NUGGC: variants seen among roughly 807,000 people sequenced by gnomAD.
NUGGC encodes nuclear GTPase, germinal center associated.
In NUGGC, 58 loss-of-function variants were observed where a neutral mutation model predicts 92.6. That is an observed-to-expected ratio of 0.63 (90% CI 0.51 to 0.78). NUGGC has a LOEUF of 0.78. Among genes scored for constraint, NUGGC ranks in the 30% least tolerant of loss-of-function variants. NUGGC has a pLI of 0.00. For missense variants in NUGGC, 925 were observed against 964.6 expected (o/e 0.96, Z 0.54); for synonymous variants, 376 against 366.4 (o/e 1.03, Z -0.30).
rs1810276159 is a variant in NUGGC at position 28,060,542 on chromosome 8, C to T, written c.981G>A (p.Gly327=). ...VISDIERVSG[G]QAHEDLLNES... Reference sequence around the variant, plus strand: ...CATTCAGAAGGTCTTCGTGGGCTTGCCCCCCAGAAACTCGCTCTATGTCGC... The same window carrying T: ...CATTCAGAAGGTCTTCGTGGGCTTGTCCCCCAGAAACTCGCTCTATGTCGC... Residue 327 remains glycine (G), a synonymous_variant, in exon 8 of 19, where the codon GGG becomes GGA. Transcript: ENST00000413272. 1.9e-6 allele frequency: 3 copies of T among 1,612,928 alleles called. No homozygotes were observed. The highest frequency in any genetic ancestry group is 2.5e-6 in the Non-Finnish European group (3 of 1,179,264).
At chr8:28,073,538 T>G (rs998490756) in intron 2 of NUGGC, among the ~76,000 whole-genome samples, 3 of 152,182 alleles carry the variant, frequency 2.0e-5, no homozygotes, top group Non-Finnish European at 2.9e-5. Context: ...ACAAAGGATA[T>G]GATACGCCAC....
At chr8:28,072,557 G>A (rs900522535) in intron 2 of NUGGC, among the ~76,000 whole-genome samples, 2 of 152,054 alleles carry the variant, frequency 1.3e-5, no homozygotes, top group Non-Finnish European at 2.9e-5. Flanking sequence ...CACATCCAGG[G>A]CCCTTATTTC....
rs1046044851 is a variant in NUGGC at position 28,029,289 on chromosome 8, G to A, written c.2131C>T (p.Gln711Ter). The change falls in exon 17 of 19, where the codon CAG becomes TAG. Residue 711 changes from glutamine (Q) to a stop codon, truncating the protein, a stop_gained. Coordinates refer to ENST00000413272, the MANE Select transcript of NUGGC (RefSeq NM_001010906.2). LOFTEE classifies it high-confidence loss of function. ...ACCTTCAGCTGCTGAAACTGGTGCTGCATCCTTTCCTGGGCCCTTTCAAAC... is the reference window on the plus strand; with the variant it reads ...ACCTTCAGCTGCTGAAACTGGTGCTACATCCTTTCCTGGGCCCTTTCAAAC... ...GMFERAQERM[Q>*]HQFQQLKTGI... 2 of 1,606,436 alleles carry A rather than the reference G, an allele frequency of 1.2e-6. No homozygotes were observed. The highest frequency in any genetic ancestry group is 8.5e-7 in the Non-Finnish European group (1 of 1,176,486).
intron 4 of NUGGC, among the ~76,000 whole-genome samples, chr8:28,068,730 CT>C (rs1171135701): frequency 1.3e-5 from 2 of 151,840 alleles, no homozygotes; most frequent in Non-Finnish European, 2.9e-5. Flanking sequence ...ATTGCATATT[CT>C]TTTTTTTGTT....
At chr8:28,059,316 T>C (rs1263898700) in intron 8 of NUGGC, among the ~76,000 whole-genome samples, 1 of 152,146 alleles carries the variant, frequency 6.6e-6, no homozygotes, top group African/African-American at 2.4e-5. Flanking sequence ...GGACTAATCA[T>C]ACCCCCTCTC....
chr8:28,056,742 T>C lies in NUGGC; in HGVS notation c.1117-688A>G, dbSNP rs1408209984. Among the ~76,000 whole-genome samples, 5 of 152,310 alleles carry C rather than the reference T, an allele frequency of 3.3e-5. No individual in the cohort carries two copies. In the East Asian group the frequency reaches 7.7e-4, roughly 23 times the overall value. ...ATGCACACGATTCTATCATGAAAAG[T>C]TAAAATTTATCAAAACTTCTGTAAA... On this transcript the variant is annotated intron_variant, in intron 9 of 18. Transcript: ENST00000413272.
intron 13 of NUGGC, among the ~76,000 whole-genome samples, chr8:28,040,299 A>G (rs572147928): frequency 6.6e-6 from 1 of 152,310 alleles, no homozygotes; most frequent in South Asian, 2.1e-4. Flanking sequence ...TAAAACCACA[A>G]CTTGTATGCC....
At position 28,031,258 on chromosome 8, in the gene NUGGC, AT is replaced by A. The variant is rs755498396; in HGVS notation, c.1892del (p.Asn631IlefsTer3). 1.2e-5 allele frequency: 20 copies of A among 1,613,292 alleles called. No homozygotes were observed. The highest frequency in any genetic ancestry group is 3.3e-5 in the Admixed American group (2 of 59,978). ...SGWKYDSCKKNFLIQEISAIL... is the reference protein window; with the variant it reads ...SGWKYDSCKKXFLIQEISAIL... ...AGGAACGTACCTCCTGGATCAGGAA[AT>A]TTTTTTTGCAGCTATCATATTTCCA... On this transcript the variant is annotated frameshift_variant, in exon 15 of 19. Coordinates refer to ENST00000413272, the MANE Select transcript of NUGGC (RefSeq NM_001010906.2). LOFTEE classifies it high-confidence loss of function.
intron 13 of NUGGC, 121 bp from the exon 14 acceptor site, chr8:28,033,818 G>A (rs184887195): frequency 3.4e-6 from 3 of 872,342 alleles, no homozygotes; most frequent in Admixed American, 5.0e-5. Flanking sequence ...GAGACAACAT[G>A]CTCTTTAAAT....
At chr8:28,032,455 T>A (rs12682588) in intron 14 of NUGGC, among the ~76,000 whole-genome samples, 1 of 151,824 alleles carries the variant, frequency 6.6e-6, no homozygotes, top group Non-Finnish European at 1.5e-5. Context: ...CGGTGGCTCA[T>A]GCCTGTAATC....
chr8:28,050,620 G>T (rs1809971487), intron 10 of NUGGC, among the ~76,000 whole-genome samples: 1 of 151,952 alleles, frequency 6.6e-6, no homozygotes, highest in Non-Finnish European at 1.5e-5. Flanking sequence ...AGACCAGCCT[G>T]GCCAATATGG....
rs1267724163 is a variant in NUGGC at position 28,041,051 on chromosome 8, C to T, written c.1611G>A (p.Val537=). The T allele has an allele frequency of 1.3e-6, 2 of 1,599,626 alleles. No homozygotes were observed. The highest frequency in any genetic ancestry group is 3.4e-5 in the Admixed American group (2 of 58,136). ...AGTTTTCCCTGGAAGGGTCACTCAC[C>T]ACCAAGCATGCTCTGAGGATGCAGC... The part of the protein sequence containing the change: ...SYRCILRACL[V]RSKGNQGFHQ... Residue 537 remains valine (V), a splice_region_variant and synonymous_variant, in exon 13 of 19, where the codon GTG becomes GTA. Coordinates refer to ENST00000413272, the MANE Select transcript of NUGGC (RefSeq NM_001010906.2).
At chr8:28,080,126 G>C (rs1810815115) in intron 1 of NUGGC, among the ~76,000 whole-genome samples, 1 of 152,080 alleles carries the variant, frequency 6.6e-6, no homozygotes, top group Admixed American at 6.6e-5. Flanking sequence ...ATCTCTAGTA[G>C]AGACAAGGTT....
chr8:28,022,095 T>C lies in NUGGC; in HGVS notation c.*1222A>G, dbSNP rs1809130567. On this transcript the variant is annotated 3_prime_UTR_variant, in exon 19 of 19. Transcript: ENST00000413272. ...TTTATATCGTGCAATGTTTTTTCTATAATGTTTAAGTTTTTTTATGTATGG... is the reference window on the plus strand; with the variant it reads ...TTTATATCGTGCAATGTTTTTTCTACAATGTTTAAGTTTTTTTATGTATGG... The C allele has an allele frequency of 1.3e-5, 2 of 151,380 alleles. No homozygotes were observed. Among genetic ancestry groups the C allele is most frequent in the South Asian group, 4.1e-4 (2 of 4,830 alleles). 9.4% of individuals were successfully genotyped at this position (151,380 alleles called of 1,614,324 possible).
chr8:28,030,959 T>C (rs1231498986), intron 15 of NUGGC, among the ~76,000 whole-genome samples: 1 of 152,220 alleles, frequency 6.6e-6, no homozygotes, highest in Non-Finnish European at 1.5e-5. Flanking sequence ...AATTAAGGCT[T>C]CTTTAAAGAT....
At chr8:28,077,252 C>A (rs1810745284) in intron 1 of NUGGC, among the ~76,000 whole-genome samples, 1 of 151,808 alleles carries the variant, frequency 6.6e-6, no homozygotes, top group South Asian at 2.1e-4. Context: ...GTAAATATAC[C>A]ATAATGCATG....
intron 14 of NUGGC, among the ~76,000 whole-genome samples, chr8:28,032,252 T>C (rs995412751): frequency 2.6e-5 from 4 of 152,006 alleles, no homozygotes; most frequent in African/African-American, 9.7e-5. Context: ...CAAGACGTGC[T>C]TAAAGAAAGG....
rs557639084 is a variant in NUGGC at position 28,024,291 on chromosome 8, C to T, written c.2246-829G>A. On this transcript the variant is annotated intron_variant, in intron 18 of 18. Transcript: ENST00000413272. ...AACTCTTGACCTCAGTTGATACACCCGCCTCGGCCTCCCAAAGTGTTGGGA... is the reference window on the plus strand; with the variant it reads ...AACTCTTGACCTCAGTTGATACACCTGCCTCGGCCTCCCAAAGTGTTGGGA... 7.3e-5 allele frequency among the ~76,000 whole-genome samples: 11 copies of T among 151,632 alleles called. No homozygotes were observed. In the South Asian group the frequency reaches 1.7e-3, roughly 23 times the overall value.
At position 28,046,952 on chromosome 8, in the gene NUGGC, A is replaced by G. The variant is rs141627504; in HGVS notation, c.1312+555T>C. On this transcript the variant is annotated intron_variant, in intron 11 of 18. Coordinates refer to ENST00000413272, the MANE Select transcript of NUGGC (RefSeq NM_001010906.2). ...CCAAAGTGCTGGGATTACAGGCATG[A>G]ACCAACATGCCTGGCTTTTTTTGTT... is the stretch of plus-strand genomic sequence containing the variant. Among the ~76,000 whole-genome samples, 124 of 151,986 alleles carry G rather than the reference A, an allele frequency of 8.2e-4. 1 individual carries two copies. The highest frequency in any genetic ancestry group is 2.9e-3 in the African/African-American group (120 of 41,430).
Sources: gnomAD v4.1 joint callset for allele counts (sites outside exome capture counted in the v4.1 genomes callset) on GRCh38, gnomAD v4.1.1 for gene constraint, MANE v1.5 for transcripts, NCBI Gene and HGNC (gene_info 2026-07-23, HGNC 2026-07-21) for gene names.